Variants in RANBP10 observed in about 807,000 individuals in gnomAD.
RANBP10 encodes RAN binding protein 10.
A neutral mutation model predicts 72.8 loss-of-function variants in RANBP10; 24 were observed. The ratio of observed to expected loss-of-function variants is 0.33; its 90% CI spans 0.24 to 0.46. The LOEUF (loss-of-function observed/expected upper bound fraction) is 0.46, where lower values mean the gene tolerates loss of function less well. Among genes scored for constraint, RANBP10 ranks in the 20% least tolerant of loss-of-function variants. The pLI, the probability that RANBP10 is intolerant of heterozygous loss-of-function variation, is 1.00. For missense variants in RANBP10, 679 were observed against 817.5 expected (o/e 0.83, Z 2.07); for synonymous variants, 310 against 322.3 (o/e 0.96, Z 0.41).
chr16:67,784,044 CAAAA>C (rs747315565), intron 2 of RANBP10, among the ~76,000 whole-genome samples: 59 of 50,302 alleles, frequency 1.2e-3, no homozygotes, highest in Non-Finnish European at 2.2e-3. Flanking sequence ...GACTCCGTCT[CAAAA>C]AAAAAAAAAA....
chr16:67,748,563 A>T (rs984468147), intron 3 of RANBP10, among the ~76,000 whole-genome samples: 1 of 151,876 alleles, frequency 6.6e-6, no homozygotes, highest in Non-Finnish European at 1.5e-5. Context: ...GGAAGGAAAA[A>T]ATATATATAT....
chr16:67,774,845 T>G (rs1202728352), intron 2 of RANBP10, among the ~76,000 whole-genome samples: 1 of 152,156 alleles, frequency 6.6e-6, no homozygotes. Flanking sequence ...TTCATAAACT[T>G]AAAGACTATC....
intron 2 of RANBP10, among the ~76,000 whole-genome samples, chr16:67,796,083 A>T (rs990326210): frequency 6.6e-6 from 1 of 151,660 alleles, no homozygotes; most frequent in Non-Finnish European, 1.5e-5. Flanking sequence ...TGCCCAGCTA[A>T]TATTTTTTAC....
chr16:67,790,507 A>T (rs954138748), intron 2 of RANBP10, among the ~76,000 whole-genome samples: 1 of 151,542 alleles, frequency 6.6e-6, no homozygotes, highest in Non-Finnish European at 1.5e-5. Flanking sequence ...CACCAAGAAC[A>T]CCCCTATGGC....
At chr16:67,796,908 G>T (rs1285715546) in intron 2 of RANBP10, among the ~76,000 whole-genome samples, 3 of 152,142 alleles carry the variant, frequency 2.0e-5, no homozygotes. Flanking sequence ...TATGGATTTT[G>T]AACAGAATGG....
At position 67,735,049 on chromosome 16, in the gene RANBP10, A is replaced by G. The variant is rs2053815350; in HGVS notation, c.592-7T>C. ...CGGTGGGGTAGAGGTTGGCCTGAGG[A>G]GGAGAATGAAATGTCAGTCAGGCCC... On this transcript the variant is annotated splice_polypyrimidine_tract_variant and splice_region_variant and intron_variant, in intron 5 of 13. Transcript: ENST00000317506. The G allele has an allele frequency of 6.3e-7, 1 of 1,581,724 alleles. No individual in the cohort carries two copies. Among genetic ancestry groups the G allele is most frequent in the Non-Finnish European group, 8.6e-7 (1 of 1,159,000 alleles).
chr16:67,729,660 C>G lies in RANBP10; in HGVS notation c.1147+20G>C. 2.5e-6 allele frequency: 4 copies of G among 1,597,394 alleles called. No homozygotes were observed. Among genetic ancestry groups the G allele is most frequent in the Non-Finnish European group, 2.6e-6 (3 of 1,171,410 alleles). ...TCCTCCACACCAGTTCTTCCCAGAG[C>G]CCTCTGGAGAGTGGCTGACCTGTGT... On this transcript the variant is annotated intron_variant, in intron 9 of 13. Transcript: ENST00000317506. This position sits in a 1 kb window ranked among gnomAD's most constrained non-coding sequence, Gnocchi z 7.1.
chr16:67,746,549 G>C (rs955350674), intron 3 of RANBP10, among the ~76,000 whole-genome samples: 1 of 152,138 alleles, frequency 6.6e-6, no homozygotes, highest in Admixed American at 6.6e-5. Context: ...TACTTAGGAG[G>C]CTGAGGCAGG....
At chr16:67,777,104 G>A (rs1249632928) in intron 2 of RANBP10, among the ~76,000 whole-genome samples, 1 of 152,038 alleles carries the variant, frequency 6.6e-6, no homozygotes. Flanking sequence ...CAGCTATTCG[G>A]GAGGCTGAGG....
intron 2 of RANBP10, among the ~76,000 whole-genome samples, chr16:67,778,364 AG>A (rs1405461359): frequency 6.6e-6 from 1 of 152,134 alleles, no homozygotes; most frequent in Non-Finnish European, 1.5e-5. Flanking sequence ...AAAAAAAAAA[AG>A]AAGTTTTTTG....
chr16:67,741,843 G>A (rs2053975544), intron 4 of RANBP10, among the ~76,000 whole-genome samples: 1 of 152,220 alleles, frequency 6.6e-6, no homozygotes, highest in Admixed American at 6.5e-5. Context: ...CTGCTGTAAA[G>A]TGGGGAAGGG....
chr16:67,736,404 G>A (rs1452648881), intron 5 of RANBP10, among the ~76,000 whole-genome samples: 1 of 152,164 alleles, frequency 6.6e-6, no homozygotes, highest in Non-Finnish European at 1.5e-5. Flanking sequence ...CAGGTGATCT[G>A]CCCACCTCAG....
At chr16:67,775,519 C>G (rs529456234) in intron 2 of RANBP10, among the ~76,000 whole-genome samples, 1 of 151,628 alleles carries the variant, frequency 6.6e-6, no homozygotes, top group African/African-American at 2.4e-5. Context: ...TGTTCCCATA[C>G]GTAGAAAACC....
At chr16:67,767,873 G>A (rs2143011539) in intron 3 of RANBP10, among the ~76,000 whole-genome samples, 1 of 152,158 alleles carries the variant, frequency 6.6e-6, no homozygotes, top group East Asian at 1.9e-4. Flanking sequence ...TGGGATTACA[G>A]GCATGAGCCA....
intron 12 of RANBP10, 76 bp downstream of exon 12, chr16:67,727,675 C>G: frequency 6.2e-7 from 1 of 1,602,318 alleles, no homozygotes; most frequent in East Asian, 2.2e-5. Flanking sequence ...CTGCTGCCCC[C>G]TGGACTCTCC....
chr16:67,727,285 CAG>C, intron 13 of RANBP10, 40 bp downstream of exon 13: 3 of 1,537,928 alleles, frequency 2.0e-6, no homozygotes, highest in Non-Finnish European at 2.7e-6. Context: ...GGCTACAGAG[CAG>C]ACTCTGTCTC....
At position 67,730,175 on chromosome 16, in the gene RANBP10, G is replaced by A. The variant is rs976043203; in HGVS notation, c.890-129C>T. The A allele has an allele frequency of 1.7e-5, 13 of 760,686 alleles. No homozygotes were observed. The Admixed American group carries it at 2.9e-4, about 17-fold the overall frequency. 47.1% of individuals were successfully genotyped at this position (760,686 alleles called of 1,614,324 possible). A position where few individuals can be genotyped will look rare whatever the true frequency, so the allele number is the denominator to read the frequency against. ...CCTCGCCAGCTTGAAATGCTCACAG[G>A]AGAGGAGGCTGGAGAAAGAACCTGA... On this transcript the variant is annotated intron_variant, in intron 7 of 13. Transcript: ENST00000317506. The surrounding 1 kb of genome is among the most constrained non-coding windows in gnomAD (Gnocchi z 4.3).
chr16:67,798,630 C>T (rs901717804), intron 2 of RANBP10, among the ~76,000 whole-genome samples: 23 of 152,198 alleles, frequency 1.5e-4, no homozygotes, highest in African/African-American at 4.6e-4. Context: ...CCTCTCACCT[C>T]TGAGAAGCCT....
chr16:67,776,336 G>A (rs2054704166), intron 2 of RANBP10, among the ~76,000 whole-genome samples: 1 of 150,188 alleles, frequency 6.7e-6, no homozygotes, highest in South Asian at 2.1e-4. Flanking sequence ...GTGGAACATG[G>A]CTGTAAACCC....
Sources: allele counts gnomAD v4.1 joint callset (sites outside exome capture counted in the v4.1 genomes callset), GRCh38; gene constraint gnomAD v4.1.1; non-coding constraint Gnocchi (gnomAD v3.1); transcripts MANE v1.5; gene names NCBI Gene and HGNC (gene_info 2026-07-23, HGNC 2026-07-21).